The following RETREG1 variants were observed in gnomAD, a reference collection of about 807,000 sequenced individuals.
RETREG1 encodes reticulophagy regulator 1.
A neutral mutation model predicts 54.8 loss-of-function variants in RETREG1; 44 were observed. The ratio of observed to expected loss-of-function variants is 0.80; its 90% CI spans 0.63 to 1.03. The LOEUF is 1.03. Among genes scored for constraint, RETREG1 ranks in the 50% least tolerant of loss-of-function variants. RETREG1 has a pLI of 0.00. For missense variants in RETREG1, 554 were observed against 605.1 expected (o/e 0.92, Z 0.89); for synonymous variants, 217 against 238.5 (o/e 0.91, Z 0.83).
chr5:16,571,970 T>C (rs1233472654), intron 2 of RETREG1, 26 bp downstream of exon 2: 3 of 1,528,676 alleles, frequency 2.0e-6, no homozygotes, highest in Admixed American at 1.7e-5. Context: ...TTAAATACCA[T>C]ATAAATAAAA....
chr5:16,510,555 C>G (rs990040256), intron 3 of RETREG1, among the ~76,000 whole-genome samples: 2 of 151,742 alleles, frequency 1.3e-5, no homozygotes, highest in Non-Finnish European at 2.9e-5. Flanking sequence ...TTTGGGAGGC[C>G]GAGGCAGGCA....
intron 1 of RETREG1, among the ~76,000 whole-genome samples, chr5:16,584,264 CT>C (rs1257282978): frequency 6.6e-6 from 1 of 152,128 alleles, no homozygotes; most frequent in African/African-American, 2.4e-5. Flanking sequence ...CAAATGCCAC[CT>C]GTTCCCCAAA....
At chr5:16,613,930 A>C (rs1000363677) in intron 1 of RETREG1, among the ~76,000 whole-genome samples, 2 of 152,266 alleles carry the variant, frequency 1.3e-5, no homozygotes, top group Admixed American at 6.5e-5. Flanking sequence ...ACAAAATTTT[A>C]ATGACATTAA....
In RETREG1 at chr5:16,474,356, A is replaced by G; in HGVS notation, c.*385T>C. The G allele has an allele frequency of 1.1e-5, 2 of 179,708 alleles. No individual in the cohort carries two copies. The highest frequency in any genetic ancestry group is 2.4e-4 in the South Asian group (2 of 8,468). 11.1% of individuals were successfully genotyped at this position (179,708 alleles called of 1,614,324 possible). A position where few individuals can be genotyped will look rare whatever the true frequency, so the allele number is the denominator to read the frequency against. On this transcript the variant is annotated 3_prime_UTR_variant, in exon 9 of 9. Transcript: ENST00000306320. ...CATGTATTCACAATTAATTGTTAAT[A>G]TTTTTCAGTAAGTTACAATAAACTG... is the stretch of plus-strand genomic sequence containing the variant.
chr5:16,502,684 A>AT (rs11404340), intron 3 of RETREG1, among the ~76,000 whole-genome samples: 75,647 of 152,058 alleles, frequency 0.5, 19,168 homozygotes, highest in Middle Eastern at 0.58. Context: ...TCGCCATTAT[A>AT]TTTTTCCCCC....
Position 16,585,781 on chromosome 5 carries a change from G to A in RETREG1, c.321-13679C>T, listed in dbSNP as rs777925056. Among the ~76,000 whole-genome samples the A allele has an allele frequency of 2.6e-4, 39 of 152,192 alleles. No individual in the cohort carries two copies. The highest frequency in any genetic ancestry group is 5.0e-4 in the Non-Finnish European group (34 of 68,030). On this transcript the variant is annotated intron_variant, in intron 1 of 8. Coordinates refer to ENST00000306320, the MANE Select transcript of RETREG1 (RefSeq NM_001034850.3). This position sits in a 1 kb window ranked among gnomAD's most constrained non-coding sequence, Gnocchi z 4.5. ...AGAAAGCTTATGATCATGGTGAAAG[G>A]TGAAGGGGAAGCAGGCATCTCATAT...
intron 3 of RETREG1, among the ~76,000 whole-genome samples, chr5:16,504,022 T>G (rs1440079788): frequency 3.3e-5 from 5 of 152,210 alleles, no homozygotes. Flanking sequence ...AAGCCCAGCA[T>G]GCATTAGTTA....
At chr5:16,606,425 T>A (rs187686256) in intron 1 of RETREG1, among the ~76,000 whole-genome samples, 1 of 152,248 alleles carries the variant, frequency 6.6e-6, no homozygotes, top group East Asian at 1.9e-4. Flanking sequence ...CTCCAACACA[T>A]GCAACTCCAT....
At chr5:16,502,703 T>C (rs1483227448) in intron 3 of RETREG1, among the ~76,000 whole-genome samples, 1 of 152,224 alleles carries the variant, frequency 6.6e-6, no homozygotes, top group Non-Finnish European at 1.5e-5. Flanking sequence ...CCATACTATT[T>C]TTATCTTCCC....
At chr5:16,506,477 GTTTTTTT>G (rs34135867) in intron 3 of RETREG1, among the ~76,000 whole-genome samples, 1 of 144,516 alleles carries the variant, frequency 6.9e-6, no homozygotes, top group South Asian at 2.2e-4. Flanking sequence ...TTGTTTTTTT[GTTTTTTT>G]TTTTTTTGAG....
At chr5:16,582,334 G>A (rs149201) in intron 1 of RETREG1, among the ~76,000 whole-genome samples, 74,944 of 151,928 alleles carry the variant, frequency 0.49, 18,585 homozygotes, top group African/African-American at 0.52. Context: ...TGATGACCAC[G>A]GCCTATATTC....
At chr5:16,502,801 G>A (rs1442147697) in intron 3 of RETREG1, among the ~76,000 whole-genome samples, 1 of 152,156 alleles carries the variant, frequency 6.6e-6, no homozygotes, top group Non-Finnish European at 1.5e-5. Flanking sequence ...TACCAGACTT[G>A]CCCTCAGGCA....
intron 1 of RETREG1, among the ~76,000 whole-genome samples, chr5:16,574,266 G>T (rs1742268215): frequency 1.3e-5 from 2 of 152,202 alleles, no homozygotes; most frequent in Non-Finnish European, 2.9e-5. Context: ...CAAGATTGGG[G>T]AGATAGGATC....
intron 1 of RETREG1, among the ~76,000 whole-genome samples, chr5:16,609,813 C>T (rs1335394070): frequency 6.6e-6 from 1 of 152,176 alleles, no homozygotes; most frequent in Non-Finnish European, 1.5e-5. Context: ...AAGCAATGGC[C>T]TTCATGTAAG....
chr5:16,590,512 T>C (rs1212630539), intron 1 of RETREG1, among the ~76,000 whole-genome samples: 3 of 152,174 alleles, frequency 2.0e-5, no homozygotes, highest in African/African-American at 7.2e-5. Context: ...ATATAAAACT[T>C]AATGAAATAT....
At chr5:16,537,201 C>T (rs1579661308) in intron 3 of RETREG1, among the ~76,000 whole-genome samples, 1 of 152,222 alleles carries the variant, frequency 6.6e-6, no homozygotes, top group Non-Finnish European at 1.5e-5. Context: ...ACTGCGACCT[C>T]CCAATTAAAT....
intron 3 of RETREG1, among the ~76,000 whole-genome samples, chr5:16,485,454 C>T (rs1041001010): frequency 3.3e-5 from 5 of 152,144 alleles, no homozygotes; most frequent in African/African-American, 1.2e-4. Flanking sequence ...CAGGCATGAA[C>T]CACTGCGCGA....
At position 16,477,781 on chromosome 5, in the gene RETREG1, A is replaced by G. The variant is rs1231481315; in HGVS notation, c.881T>C (p.Leu294Pro). ...DFSALCPKIS[L>P]TVAAKELSVS... ...AGATAACTCTTTGGCAGCAACCGTGAGGCTAATCTGTGTTAATATAAATAA... is the reference window on the plus strand; with the variant it reads ...AGATAACTCTTTGGCAGCAACCGTGGGGCTAATCTGTGTTAATATAAATAA... The change falls in exon 8 of 9, where the codon CTC becomes CCC. Residue 294 changes from leucine to proline, a missense_variant. By Grantham distance (98) the Leu-to-Pro change is moderately conservative (BLOSUM62 -3). Around this residue, in one of 4 missense-constraint regions of RETREG1, gnomAD observed 347 missense variants for 412.3 expected, o/e 0.84. Transcript: ENST00000306320. 33 of 1,613,380 alleles carry G rather than the reference A, an allele frequency of 2.0e-5. No homozygotes were observed. Among genetic ancestry groups the G allele is most frequent in the Non-Finnish European group, 2.5e-5 (30 of 1,179,522 alleles).
chr5:16,590,379 T>A (rs974702677), intron 1 of RETREG1, among the ~76,000 whole-genome samples: 2 of 152,236 alleles, frequency 1.3e-5, no homozygotes, highest in Non-Finnish European at 2.9e-5. Context: ...AACCTGCACC[T>A]CGAAGGACAA....
Sources: gnomAD v4.1 joint callset for allele counts (sites outside exome capture counted in the v4.1 genomes callset) on GRCh38, gnomAD v4.1.1 for gene constraint, gnomAD v4.1.1 regional missense constraint, Gnocchi (gnomAD v3.1) non-coding constraint, MANE v1.5 for transcripts, NCBI Gene and HGNC (gene_info 2026-07-23, HGNC 2026-07-21) for gene names.